The following SKA3 variants were observed in gnomAD, a reference collection of about 807,000 sequenced individuals.
SKA3 encodes the protein spindle and kinetochore associated complex subunit 3, also known as spindle and kinetochore-associated protein 3.
In SKA3, 39 loss-of-function variants were observed where a neutral mutation model predicts 44.2. That is an observed-to-expected ratio of 0.88 (90% CI 0.68 to 1.15). The LOEUF (loss-of-function observed/expected upper bound fraction) is 1.15. SKA3 is among the 50% of genes most tolerant of loss of function. The pLI is 0.00. For synonymous variants in SKA3, 192 were observed against 172.0 expected, an observed-to-expected ratio of 1.12 and a Z score of -0.91; for missense variants, 511 against 485.8, an observed-to-expected ratio of 1.05 and a Z score of -0.49.
chr13:21,169,547 A>G (rs1870922965), intron 3 of SKA3, among the ~76,000 whole-genome samples: 1 of 151,980 alleles, frequency 6.6e-6, no homozygotes, highest in Admixed American at 6.6e-5. Context: ...ATGACCCTAT[A>G]AAACTTCCCT....
At chr13:21,168,449 C>A in intron 3 of SKA3, 50 bp from the exon 4 acceptor site, 1 of 1,325,012 alleles carries the variant, frequency 7.5e-7, no homozygotes, top group East Asian at 3.5e-5. Context: ...TGGAAAATTT[C>A]ACGTTTACAA....
chr13:21,173,351 G>A (rs1234373863), intron 1 of SKA3, among the ~76,000 whole-genome samples: 2 of 152,172 alleles, frequency 1.3e-5, no homozygotes, highest in Non-Finnish European at 2.9e-5. Flanking sequence ...TCACCTCCCG[G>A]ATTCAAGCGA....
At chr13:21,167,703 T>C (rs1377504677) in intron 4 of SKA3, among the ~76,000 whole-genome samples, 2 of 149,604 alleles carry the variant, frequency 1.3e-5, no homozygotes, top group Middle Eastern at 3.4e-3. Context: ...GGAGGCGGAG[T>C]TTGCAGTGAG....
intron 5 of SKA3, 92 bp downstream of exon 5, chr13:21,161,698 A>G: frequency 1.5e-6 from 1 of 647,822 alleles, no homozygotes; most frequent in Non-Finnish European, 2.3e-6. Flanking sequence ...GATGAAGAAA[A>G]CTATTAGAAT....
In SKA3 at chr13:21,168,300, G is replaced by GC; in HGVS notation, c.430dup (p.Ala144GlyfsTer7). 6.2e-7 allele frequency: 1 copy of GC among 1,614,132 alleles called. No homozygotes were observed. The highest frequency in any genetic ancestry group is 8.5e-7 in the Non-Finnish European group (1 of 1,180,020). Reference sequence around the variant, plus strand: ...AGACTTCTCAGAAATACAACTGCTTGCAACAGGAGGATCAGACAGATCATC... The same window carrying GC: ...AGACTTCTCAGAAATACAACTGCTTGCCAACAGGAGGATCAGACAGATCATC... On this transcript the variant is annotated frameshift_variant, in exon 4 of 9. Transcript: ENST00000314759. LOFTEE classifies it high-confidence loss of function.
At chr13:21,171,921 AAT>A (rs1325838966) in intron 3 of SKA3, among the ~76,000 whole-genome samples, 1 of 152,240 alleles carries the variant, frequency 6.6e-6, no homozygotes, top group East Asian at 1.9e-4. Context: ...TTTTATAGCC[AAT>A]ATCTCTTTCT....
rs1472867056 is a variant in SKA3 at position 21,156,976 on chromosome 13, C to T, written c.1119+946G>A. ...TCGGGAGGCTGAGGCAGGAGAATGGCGTGAACCCGGGAAGCGGAGCTTGCA... is the reference window on the plus strand; with the variant it reads ...TCGGGAGGCTGAGGCAGGAGAATGGTGTGAACCCGGGAAGCGGAGCTTGCA... On this transcript the variant is annotated intron_variant, in intron 7 of 8. Coordinates refer to ENST00000314759, the MANE Select transcript of SKA3 (RefSeq NM_145061.6). Among the ~76,000 whole-genome samples the T allele has an allele frequency of 8.0e-4, 13 of 16,292 alleles. 6 individuals carry two copies. Among genetic ancestry groups the T allele is most frequent in the Admixed American group, 2.6e-3 (3 of 1,176 alleles). 10.7% of individuals were successfully genotyped at this position (16,292 alleles called of 152,430 possible). A position where few individuals can be genotyped will look rare whatever the true frequency, so the allele number is the denominator to read the frequency against.
intron 5 of SKA3, among the ~76,000 whole-genome samples, chr13:21,160,624 C>T (rs896791001): frequency 6.6e-6 from 1 of 152,172 alleles, no homozygotes; most frequent in Non-Finnish European, 1.5e-5. Context: ...CTCAATACCA[C>T]TAGTGAGAAG....
intron 1 of SKA3, among the ~76,000 whole-genome samples, chr13:21,175,844 CAG>C (rs1344189373): frequency 2.0e-5 from 3 of 152,212 alleles, no homozygotes; most frequent in East Asian, 1.9e-4. Flanking sequence ...GGGAAAAACA[CAG>C]AGGTTTACTG....
rs1169193800 is a variant in SKA3, at chr13:21,172,696, T to C, written c.104-15A>G. On this transcript the variant is annotated splice_polypyrimidine_tract_variant and intron_variant, in intron 1 of 8. Coordinates refer to ENST00000314759, the MANE Select transcript of SKA3 (RefSeq NM_145061.6). ...ATCTTCAAAGTCTTCAATATGAATA[T>C]TGAAAGAAAAGAAGTCCAATAAATG... 6.7e-6 allele frequency: 10 copies of C among 1,481,564 alleles called. No individual in the cohort carries two copies. The highest frequency in any genetic ancestry group is 1.4e-5 in the African/African-American group (1 of 70,842). The allele number at this position is 1,481,564 out of a possible 1,614,324, so 91.8% of individuals were successfully genotyped here. A position where few individuals can be genotyped will look rare whatever the true frequency, so the allele number is the denominator to read the frequency against.
chr13:21,174,303 C>G (rs1189823967), intron 1 of SKA3, among the ~76,000 whole-genome samples: 3 of 152,110 alleles, frequency 2.0e-5, no homozygotes, highest in African/African-American at 7.2e-5. Context: ...TGTTTATTGC[C>G]GCACTATTCA....
chr13:21,172,160 C>T (rs1375396693), intron 3 of SKA3, 179 bp downstream of exon 3: 4 of 420,522 alleles, frequency 9.5e-6, no homozygotes, highest in Non-Finnish European at 1.7e-5. Flanking sequence ...ATATTACACC[C>T]CTGATTAGCA....
At chr13:21,170,328 C>T (rs543728073) in intron 3 of SKA3, among the ~76,000 whole-genome samples, 2 of 151,818 alleles carry the variant, frequency 1.3e-5, no homozygotes, top group South Asian at 2.1e-4. Context: ...TACAGGCACA[C>T]GCCACCACAC....
At chr13:21,169,218 AC>A (rs1870900521) in intron 3 of SKA3, among the ~76,000 whole-genome samples, 1 of 2,064 alleles carries the variant, frequency 4.8e-4, no homozygotes, top group African/African-American at 5.9e-4. Flanking sequence ...TGCAGGCACA[AC>A]AACTTTGTTC....
intron 4 of SKA3, among the ~76,000 whole-genome samples, chr13:21,164,983 T>C (rs1018074425): frequency 6.6e-6 from 1 of 152,182 alleles, no homozygotes; most frequent in African/African-American, 2.4e-5. Flanking sequence ...ATAATGGTAA[T>C]TGCAGTATAC....
chr13:21,158,651 A>C (rs1348662965), intron 6 of SKA3, among the ~76,000 whole-genome samples: 10 of 152,200 alleles, frequency 6.6e-5, no homozygotes, highest in African/African-American at 2.4e-4. Flanking sequence ...AAAACCAAAA[A>C]AACGCTTAAT....
intron 1 of SKA3, among the ~76,000 whole-genome samples, chr13:21,173,037 A>G (rs1020000116): frequency 1.3e-5 from 2 of 152,220 alleles, no homozygotes; most frequent in South Asian, 4.1e-4. Flanking sequence ...AAAATTGCCT[A>G]ACGTTGCTCA....
chr13:21,168,424 TG>T (rs745544762), intron 3 of SKA3, 25 bp from the exon 4 acceptor site: 1 of 1,530,516 alleles, frequency 6.5e-7, no homozygotes, highest in Non-Finnish European at 8.8e-7. Flanking sequence ...CAGAATATTC[TG>T]GTCAAACTCA....
intron 1 of SKA3, among the ~76,000 whole-genome samples, chr13:21,173,268 T>C (rs1871178168): frequency 6.6e-6 from 1 of 152,158 alleles, no homozygotes; most frequent in African/African-American, 2.4e-5. Context: ...TTCTTTTTCT[T>C]TTTTTGAGAT....
Sources: allele counts gnomAD v4.1 joint callset (sites outside exome capture counted in the v4.1 genomes callset), GRCh38; gene constraint gnomAD v4.1.1; transcripts MANE v1.5; gene names NCBI Gene and HGNC (gene_info 2026-07-23, HGNC 2026-07-21).